The following IL6R variants were observed in gnomAD, a reference collection of about 807,000 sequenced individuals.
IL6R encodes interleukin-6 receptor subunit alpha.
In IL6R, 38 loss-of-function variants were observed where a neutral mutation model predicts 48.3. That is an observed-to-expected ratio of 0.79 (90% confidence interval 0.61 to 1.03). The LOEUF (loss-of-function observed/expected upper bound fraction) is 1.03, where lower values mean the gene tolerates loss of function less well. Ranked by LOEUF, IL6R falls within the 50% of genes least tolerant of loss-of-function variation. IL6R has a pLI of 0.00. For synonymous variants in IL6R, 264 were observed against 256.2 expected, an observed-to-expected ratio of 1.03 and a Z score of -0.29; for missense variants, 534 against 618.3, an observed-to-expected ratio of 0.86 and a Z score of 1.45.
chr1:154,451,585 G>A (rs919097725), intron 8 of IL6R, among the ~76,000 whole-genome samples: 1 of 152,020 alleles, frequency 6.6e-6, no homozygotes, highest in East Asian at 1.9e-4. Flanking sequence ...AGTCCTCTTC[G>A]TCCACCCTCA....
At chr1:154,461,034 G>C (rs981256195) in intron 9 of IL6R, among the ~76,000 whole-genome samples, 2 of 152,198 alleles carry the variant, frequency 1.3e-5, no homozygotes, top group Non-Finnish European at 2.9e-5. Flanking sequence ...TGATTGACAA[G>C]GTGAAGCAAG....
At chr1:154,448,028 A>G in intron 6 of IL6R, 97 bp from the exon 7 acceptor site, 2 of 983,142 alleles carry the variant, frequency 2.0e-6, no homozygotes, top group Non-Finnish European at 3.2e-6. Flanking sequence ...CTTTTAAATA[A>G]CATTGAGATG....
chr1:154,453,956 T>A (rs1257290155), intron 8 of IL6R, among the ~76,000 whole-genome samples: 2 of 152,226 alleles, frequency 1.3e-5, no homozygotes, highest in East Asian at 1.9e-4. Flanking sequence ...GAAGTTCATA[T>A]GGCTGGGGCT....
At chr1:154,444,744 TA>T (rs1362770488) in intron 6 of IL6R, among the ~76,000 whole-genome samples, 5 of 151,044 alleles carry the variant, frequency 3.3e-5, no homozygotes, top group South Asian at 2.1e-4. Context: ...AAAAAAAAGT[TA>T]AAAAAAAATT....
Position 154,430,491 on chromosome 1 carries a change from G to A in IL6R, c.343G>A (p.Glu115Lys), listed in dbSNP as rs773270678. The change falls in exon 3 of 10, where the codon GAG becomes AAG. Residue 115 changes from glutamate to lysine, a missense_variant. Transcript: ENST00000368485. ...CAATGCTTTCCTTTCAGTTCCCCCC[G>A]AGGAGCCCCAGCTCTCCTGCTTCCG... ...TVHLLVDVPP[E>K]EPQLSCFRKS... 6 of 1,613,444 alleles carry A rather than the reference G, an allele frequency of 3.7e-6. No homozygotes were observed. Among genetic ancestry groups the A allele is most frequent in the South Asian group, 1.1e-5 (1 of 91,044 alleles).
chr1:154,416,308 A>AT (rs1211685761), intron 1 of IL6R, among the ~76,000 whole-genome samples: 5,010 of 138,652 alleles, frequency 0.036, 112 homozygotes, highest in Non-Finnish European at 0.057. Flanking sequence ...TTAAAAAAAA[A>AT]TTTTTTTTTT....
intron 6 of IL6R, among the ~76,000 whole-genome samples, chr1:154,447,486 C>T (rs1301335402): frequency 7.0e-5 from 6 of 85,160 alleles, no homozygotes; most frequent in Admixed American, 1.3e-4. Flanking sequence ...TACACACACA[C>T]ACACACACAC....
Position 154,468,467 on chromosome 1 carries a change from C to T in IL6R, c.*3087C>T, listed in dbSNP as rs1361038841. 6.6e-6 allele frequency: 1 copy of T among 152,226 alleles called. No homozygotes were observed. The allele number at this position is 152,226 out of a possible 1,614,324, so 9.4% of individuals were successfully genotyped here. On this transcript the variant is annotated 3_prime_UTR_variant, in exon 10 of 10. Coordinates refer to ENST00000368485, the MANE Select transcript of IL6R (RefSeq NM_000565.4). ...GTAAAATGATCAATAATGTTTGTAGCATTAATGAAATATTTTCAAGAAATG... is the reference window on the plus strand; with the variant it reads ...GTAAAATGATCAATAATGTTTGTAGTATTAATGAAATATTTTCAAGAAATG...
intron 1 of IL6R, among the ~76,000 whole-genome samples, chr1:154,417,684 C>T (rs1473252319): frequency 6.6e-6 from 1 of 151,842 alleles, no homozygotes; most frequent in Non-Finnish European, 1.5e-5. Flanking sequence ...ATTCTCCTAC[C>T]TCAGCCTCCC....
chr1:154,415,039 G>C, intron 1 of IL6R: 1 of 1,522,372 alleles, frequency 6.6e-7, no homozygotes, highest in Admixed American at 1.9e-5. Flanking sequence ...AAGAAGTTGA[G>C]CTCCAGAAGA....
At chr1:154,464,212 T>C (rs1381236836) in intron 9 of IL6R, among the ~76,000 whole-genome samples, 4 of 151,680 alleles carry the variant, frequency 2.6e-5, no homozygotes, top group Admixed American at 1.3e-4. Flanking sequence ...TGAAGTGCAA[T>C]GGCACGATCT....
chr1:154,430,643 C>T, intron 3 of IL6R, 37 bp downstream of exon 3: 1 of 1,613,494 alleles, frequency 6.2e-7, no homozygotes, highest in South Asian at 1.1e-5. Context: ...CATGTTGGCT[C>T]CCTCCTTCCC....
chr1:154,463,633 G>A (rs1385814001), intron 9 of IL6R, among the ~76,000 whole-genome samples: 3 of 152,228 alleles, frequency 2.0e-5, no homozygotes, highest in African/African-American at 7.2e-5. Flanking sequence ...TCACAAAGTG[G>A]GAAGCAAGAG....
At chr1:154,443,490 C>G (rs1334312069) in intron 6 of IL6R, among the ~76,000 whole-genome samples, 1 of 152,242 alleles carries the variant, frequency 6.6e-6, no homozygotes, top group Non-Finnish European at 1.5e-5. Context: ...GGGCCCCGCC[C>G]ACTTCCACTG....
chr1:154,453,990 C>T, intron 8 of IL6R: 1 of 164,166 alleles, frequency 6.1e-6, no homozygotes, highest in Non-Finnish European at 1.3e-5. Context: ...CAGGGACAGG[C>T]AAGAGATGAC....
intron 1 of IL6R, among the ~76,000 whole-genome samples, chr1:154,428,417 C>G (rs73014271): frequency 2.6e-5 from 4 of 152,182 alleles, no homozygotes; most frequent in Admixed American, 2.6e-4. Context: ...TCCTCTGTGC[C>G]TCAGTTACCA....
chr1:154,432,927 T>C (rs1689385441), intron 3 of IL6R, among the ~76,000 whole-genome samples: 1 of 152,194 alleles, frequency 6.6e-6, no homozygotes, highest in Non-Finnish European at 1.5e-5. Context: ...GCTTTTTCTC[T>C]TGTGTGTCTG....
chr1:154,435,238 G>A (rs1290047594), intron 5 of IL6R, 82 bp downstream of exon 5: 11 of 1,320,054 alleles, frequency 8.3e-6, no homozygotes, highest in Admixed American at 1.9e-5. Context: ...GGCCAGGCAT[G>A]GTGGCTCACG....
intron 6 of IL6R, among the ~76,000 whole-genome samples, chr1:154,439,372 T>C (rs1048455920): frequency 6.6e-6 from 1 of 152,320 alleles, no homozygotes; most frequent in East Asian, 1.9e-4. Context: ...TAGAGTGCAG[T>C]GGCGTGATCT....
Sources: allele counts gnomAD v4.1 joint callset (sites outside exome capture counted in the v4.1 genomes callset), GRCh38; gene constraint gnomAD v4.1.1; transcripts MANE v1.5; gene names NCBI Gene and HGNC (gene_info 2026-07-23, HGNC 2026-07-21).